Variants in SUGCT observed in about 807,000 individuals in gnomAD.
SUGCT encodes the protein succinyl-CoA:glutarate-CoA transferase, also known as succinyl-CoA:glutarate CoA-transferase.
A neutral mutation model predicts 55.0 loss-of-function variants in SUGCT; 41 were observed. The observed-to-expected ratio is 0.74, with a 90% CI of 0.58 to 0.97. The LOEUF is 0.97. Ranked by LOEUF, SUGCT falls within the 50% of genes least tolerant of loss-of-function variation. The pLI, the probability that SUGCT is intolerant of heterozygous loss-of-function variation, is 0.00. For synonymous variants in SUGCT, 187 were observed against 200.4 expected, an observed-to-expected ratio of 0.93 and a Z score of 0.56; for missense variants, 568 against 547.8, an observed-to-expected ratio of 1.04 and a Z score of -0.37.
At chr7:40,666,355 A>AAGGAAGG (rs1801630722) in intron 12 of SUGCT, among the ~76,000 whole-genome samples, 16 of 121,850 alleles carry the variant, frequency 1.3e-4, no homozygotes, top group African/African-American at 5.8e-4. Context: ...CTCAAGAAAG[A>AAGGAAGG]AAGGAAGGAA....
chr7:40,189,398 C>CTT (rs771275549), intron 4 of SUGCT, 146 bp from the exon 5 acceptor site: 12 of 145,526 alleles, frequency 8.2e-5, no homozygotes, highest in East Asian at 3.0e-4. Flanking sequence ...AATACACATA[C>CTT]TTTTTTTTTT....
At chr7:40,922,383 G>T in the SUGCT span, among the ~76,000 whole-genome samples, 1 of 152,134 alleles carries the variant, frequency 6.6e-6, no homozygotes, top group South Asian at 2.1e-4. Flanking sequence ...TTTAAGACCT[G>T]GGTGCTTCTG....
At chr7:40,455,410 T>A (rs1789426780) in intron 10 of SUGCT, among the ~76,000 whole-genome samples, 2 of 152,108 alleles carry the variant, frequency 1.3e-5, no homozygotes, top group South Asian at 4.1e-4. Context: ...CAGAAAAAAA[T>A]GACCCAACTC....
chr7:40,854,126 T>TG (rs1201737149), intron 13 of SUGCT, among the ~76,000 whole-genome samples: 2 of 152,262 alleles, frequency 1.3e-5, no homozygotes, highest in Non-Finnish European at 2.9e-5. Context: ...TTGCTACCTA[T>TG]TTGGATCTTG....
intron 12 of SUGCT, among the ~76,000 whole-genome samples, chr7:40,701,790 G>A (rs1376827001): frequency 2.0e-5 from 3 of 152,190 alleles, no homozygotes; most frequent in East Asian, 1.9e-4. Flanking sequence ...AAGTAGGTAC[G>A]TGGGGGCTTC....
intron 13 of SUGCT, among the ~76,000 whole-genome samples, chr7:40,770,452 G>A (rs982923836): frequency 6.6e-6 from 1 of 152,042 alleles, no homozygotes; most frequent in East Asian, 1.9e-4. Flanking sequence ...ATGGCATTTC[G>A]AGCTTGGGTC....
intron 12 of SUGCT, among the ~76,000 whole-genome samples, chr7:40,573,170 G>A (rs1796547662): frequency 1.3e-5 from 2 of 152,056 alleles, no homozygotes; most frequent in African/African-American, 4.8e-5. Context: ...AGCTCCTCTG[G>A]GCCCCTGGCT....
chr7:40,863,490 C>A (rs1313243449), downstream of SUGCT, among the ~76,000 whole-genome samples: 1 of 152,194 alleles, frequency 6.6e-6, no homozygotes, highest in African/African-American at 2.4e-5. Context: ...ACGTAGGATT[C>A]ATACTCCAGA....
chr7:40,757,091 G>C (rs1173029280), intron 13 of SUGCT, among the ~76,000 whole-genome samples: 1 of 152,118 alleles, frequency 6.6e-6, no homozygotes, highest in African/African-American at 2.4e-5. Context: ...ACTTGCCATT[G>C]AGTGCCTGGA....
At chr7:40,243,757 A>G (rs572687581) in intron 7 of SUGCT, among the ~76,000 whole-genome samples, 60 of 152,256 alleles carry the variant, frequency 3.9e-4, no homozygotes, top group Non-Finnish European at 7.1e-4. Flanking sequence ...CAAGAATTCA[A>G]CTCTGTGTCC....
At chr7:40,563,986 G>A (rs993935581) in intron 12 of SUGCT, among the ~76,000 whole-genome samples, 8 of 152,256 alleles carry the variant, frequency 5.3e-5, no homozygotes, top group South Asian at 2.1e-4. Flanking sequence ...AGTGGGATAT[G>A]TATATACAGA....
the SUGCT span, among the ~76,000 whole-genome samples, chr7:40,959,964 A>G: frequency 6.6e-6 from 1 of 152,208 alleles, no homozygotes; most frequent in East Asian, 1.9e-4. Flanking sequence ...GGGTGAGGCA[A>G]CACTCCACCC....
At chr7:40,242,873 G>T (rs1789499581) in intron 7 of SUGCT, among the ~76,000 whole-genome samples, 1 of 124,508 alleles carries the variant, frequency 8.0e-6, no homozygotes, top group Admixed American at 9.7e-5. Flanking sequence ...TTGAGTAAAT[G>T]AGTAAATGAA....
chr7:40,887,974 C>T, the SUGCT span, among the ~76,000 whole-genome samples: 26 of 147,636 alleles, frequency 1.8e-4, no homozygotes, highest in African/African-American at 4.5e-4. Flanking sequence ...GCAGGTGTGG[C>T]ACTAAGCATT....
intron 9 of SUGCT, among the ~76,000 whole-genome samples, chr7:40,411,088 A>T (rs1388982299): frequency 6.6e-6 from 1 of 152,208 alleles, no homozygotes; most frequent in African/African-American, 2.4e-5. Flanking sequence ...TTTCTCTAAC[A>T]CACTGTCATA....
At chr7:41,030,566 G>A in the SUGCT span, among the ~76,000 whole-genome samples, 1 of 152,050 alleles carries the variant, frequency 6.6e-6, no homozygotes, top group East Asian at 1.9e-4. Context: ...ACATTTTCCT[G>A]CTGAGAAATT....
chr7:40,695,242 T>G (rs972846766), intron 12 of SUGCT, among the ~76,000 whole-genome samples: 1 of 151,468 alleles, frequency 6.6e-6, no homozygotes, highest in Non-Finnish European at 1.5e-5. Context: ...CTGCTGCTCA[T>G]GCTGGAGTGC....
intron 7 of SUGCT, among the ~76,000 whole-genome samples, chr7:40,249,337 A>ATATATATATAT (rs1790179837): frequency 8.8e-6 from 1 of 113,686 alleles, no homozygotes; most frequent in Non-Finnish European, 2.0e-5. Flanking sequence ...ATATATATAT[A>ATATATATATAT]TATATATATA....
chr7:40,273,912 G>T (rs992083648), intron 7 of SUGCT, among the ~76,000 whole-genome samples: 6 of 152,098 alleles, frequency 3.9e-5, no homozygotes, highest in African/African-American at 1.4e-4. Context: ...TAAATCTTGA[G>T]ATTCTCAGTT....
Sources: allele counts gnomAD v4.1 joint callset (sites outside exome capture counted in the v4.1 genomes callset), GRCh38; gene constraint gnomAD v4.1.1; transcripts MANE v1.5; gene names NCBI Gene and HGNC (gene_info 2026-07-23, HGNC 2026-07-21).